COMMD1: variants seen among roughly 807,000 people sequenced by gnomAD.
COMMD1 encodes copper metabolism domain containing 1.
A neutral mutation model predicts 17.2 loss-of-function variants in COMMD1; 10 were observed. The observed-to-expected ratio is 0.58, with a 90% CI of 0.36 to 0.99. The LOEUF is 0.99. Ranked by LOEUF, COMMD1 falls within the 50% of genes least tolerant of loss-of-function variation. COMMD1 has a pLI of 0.01. For missense variants in COMMD1, 270 were observed against 231.8 expected, an observed-to-expected ratio of 1.17 and a Z score of -1.07; for synonymous variants, 97 against 91.6, an observed-to-expected ratio of 1.06 and a Z score of -0.34.
At chr2:61,995,300 C>T (rs543810789) in intron 1 of COMMD1, among the ~76,000 whole-genome samples, 21 of 152,066 alleles carry the variant, frequency 1.4e-4, no homozygotes, top group Non-Finnish European at 2.4e-4. Flanking sequence ...AGTTACCTAG[C>T]CTTTAGTGGC....
intron 2 of COMMD1, among the ~76,000 whole-genome samples, chr2:62,074,591 G>A (rs992479181): frequency 3.9e-5 from 6 of 152,134 alleles, no homozygotes; most frequent in Non-Finnish European, 7.4e-5. Flanking sequence ...CAGTATGCAG[G>A]GTTTCTGCTT....
At chr2:62,033,251 G>C (rs1314440102) in intron 2 of COMMD1, among the ~76,000 whole-genome samples, 2 of 152,094 alleles carry the variant, frequency 1.3e-5, no homozygotes, top group African/African-American at 4.8e-5. Context: ...GGAATATCTG[G>C]TATAAAGGGT....
chr2:61,985,114 G>A lies in COMMD1; in HGVS notation c.181-15587G>A, dbSNP rs560863045. ...CGCCCAGGCTGGAGTGCGGTGGCAC[G>A]ATCTCGGCTCACTGCAAGCTCCGCC... On this transcript the variant is annotated intron_variant, in intron 1 of 2. Coordinates refer to ENST00000311832, the MANE Select transcript of COMMD1 (RefSeq NM_152516.4). Among the ~76,000 whole-genome samples the A allele has an allele frequency of 2.1e-4, 31 of 150,098 alleles. No homozygotes were observed. In the South Asian group the frequency reaches 5.0e-3, roughly 24 times the overall value.
At chr2:62,135,482 C>T (rs1673168418) in intron 2 of COMMD1, among the ~76,000 whole-genome samples, 1 of 152,106 alleles carries the variant, frequency 6.6e-6, no homozygotes, top group East Asian at 1.9e-4. Context: ...TCCTGAGTAG[C>T]TGGGACTCAC....
At chr2:62,111,108 G>A (rs1380319191) in intron 2 of COMMD1, among the ~76,000 whole-genome samples, 1 of 152,114 alleles carries the variant, frequency 6.6e-6, no homozygotes, top group Non-Finnish European at 1.5e-5. Context: ...ATATCTTTAC[G>A]AATGGAGATT....
intron 1 of COMMD1, among the ~76,000 whole-genome samples, chr2:61,925,984 T>G (rs1670320510): frequency 6.6e-6 from 1 of 152,050 alleles, no homozygotes; most frequent in Admixed American, 6.6e-5. Flanking sequence ...TTTGTTTTTG[T>G]TTTTGAGACG....
chr2:61,961,192 G>A (rs1671334685), intron 1 of COMMD1, among the ~76,000 whole-genome samples: 2 of 152,174 alleles, frequency 1.3e-5, no homozygotes, highest in African/African-American at 2.4e-5. Flanking sequence ...TGCAGAAAAG[G>A]TGCTACTCAG....
At chr2:62,123,198 A>T (rs1355478912) in intron 2 of COMMD1, among the ~76,000 whole-genome samples, 1 of 152,170 alleles carries the variant, frequency 6.6e-6, no homozygotes, top group Non-Finnish European at 1.5e-5. Context: ...ATCAGAAAAA[A>T]AATACTTTTT....
At chr2:62,055,750 A>G (rs1247285871) in intron 2 of COMMD1, among the ~76,000 whole-genome samples, 1 of 152,196 alleles carries the variant, frequency 6.6e-6, no homozygotes, top group Admixed American at 6.5e-5. Context: ...TTTGTTTTGA[A>G]CCTTCAGGAG....
intron 1 of COMMD1, among the ~76,000 whole-genome samples, chr2:61,898,367 G>A (rs577447019): frequency 5.8e-4 from 89 of 152,270 alleles, no homozygotes; most frequent in African/African-American, 2.0e-3. Context: ...TCCCATCTAT[G>A]CGGGAGGTTG....
chr2:61,945,026 C>T (rs917957574), intron 1 of COMMD1, among the ~76,000 whole-genome samples: 19 of 152,108 alleles, frequency 1.2e-4, no homozygotes, highest in Non-Finnish European at 2.8e-4. Context: ...CAGATTTGGC[C>T]AAGTCGGTTA....
chr2:61,977,397 A>T (rs1008757270), intron 1 of COMMD1, among the ~76,000 whole-genome samples: 5 of 151,620 alleles, frequency 3.3e-5, no homozygotes, highest in Admixed American at 3.3e-4. Context: ...GGCATGTGCC[A>T]CAGCACCTGG....
intron 2 of COMMD1, among the ~76,000 whole-genome samples, chr2:62,042,650 C>A (rs1431349965): frequency 9.9e-5 from 15 of 152,184 alleles, no homozygotes; most frequent in Admixed American, 9.8e-4. Context: ...CTGGCCTCAG[C>A]CAGCCCCGGC....
chr2:61,995,777 C>T (rs899343236), intron 1 of COMMD1, among the ~76,000 whole-genome samples: 1 of 152,154 alleles, frequency 6.6e-6, no homozygotes, highest in African/African-American at 2.4e-5. Context: ...CTTCAGTTTC[C>T]TTTTCTGTAA....
intron 2 of COMMD1, among the ~76,000 whole-genome samples, chr2:62,100,776 A>T (rs1451045718): frequency 6.6e-6 from 1 of 152,174 alleles, no homozygotes; most frequent in Non-Finnish European, 1.5e-5. Flanking sequence ...GATCTTTAAA[A>T]GGTACTAGAC....
chr2:62,132,382 C>T (rs1673064289), intron 2 of COMMD1, among the ~76,000 whole-genome samples: 1 of 152,182 alleles, frequency 6.6e-6, no homozygotes, highest in Non-Finnish European at 1.5e-5. Flanking sequence ...AATATTGTTC[C>T]TGGTAATTTC....
chr2:62,047,255 C>T (rs1670407511), intron 2 of COMMD1, among the ~76,000 whole-genome samples: 1 of 152,160 alleles, frequency 6.6e-6, no homozygotes, highest in Admixed American at 6.5e-5. Flanking sequence ...TTGAAAAATT[C>T]TCACTGCCTA....
intron 1 of COMMD1, among the ~76,000 whole-genome samples, chr2:61,979,199 G>A (rs190204781): frequency 3.9e-5 from 6 of 152,144 alleles, no homozygotes; most frequent in Admixed American, 3.9e-4. Flanking sequence ...GCTCCCACAA[G>A]TAAGTGAGAA....
chr2:61,973,314 T>C (rs1671701824), intron 1 of COMMD1, among the ~76,000 whole-genome samples: 1 of 152,174 alleles, frequency 6.6e-6, no homozygotes, highest in African/African-American at 2.4e-5. Context: ...AAATCTTAAA[T>C]TTTTATAGAT....
Sources: gnomAD v4.1 joint callset for allele counts (sites outside exome capture counted in the v4.1 genomes callset) on GRCh38, gnomAD v4.1.1 for gene constraint, MANE v1.5 for transcripts, NCBI Gene and HGNC (gene_info 2026-07-23, HGNC 2026-07-21) for gene names.